Variants in GPHN observed in about 807,000 individuals in gnomAD.
The protein encoded by GPHN is gephyrin.
GPHN carries 17 observed loss-of-function variants against 95.5 expected under a neutral mutation model. The ratio of observed to expected loss-of-function variants is 0.18; its 90% CI spans 0.12 to 0.27. The LOEUF is 0.27. GPHN is among the 10% of genes least tolerant of loss of function. The pLI is 1.00. For synonymous variants in GPHN, 320 were observed against 322.5 expected, an observed-to-expected ratio of 0.99 and a Z score of 0.08; for missense variants, 660 against 978.1, an observed-to-expected ratio of 0.67 and a Z score of 4.34.
intron 4 of GPHN, among the ~76,000 whole-genome samples, chr14:66,853,448 A>G (rs1392941001): frequency 6.6e-6 from 1 of 152,222 alleles, no homozygotes; most frequent in Non-Finnish European, 1.5e-5. Flanking sequence ...TGGGTAACTT[A>G]TAAAGGAAAG....
intron 4 of GPHN, among the ~76,000 whole-genome samples, chr14:66,842,059 C>T (rs2062115950): frequency 6.7e-6 from 1 of 148,328 alleles, no homozygotes; most frequent in African/African-American, 2.5e-5. Flanking sequence ...TCCCCCCGCC[C>T]CCGCCCCAAC....
chr14:66,990,421 A>C (rs2153603451), intron 9 of GPHN, among the ~76,000 whole-genome samples: 1 of 152,172 alleles, frequency 6.6e-6, no homozygotes, highest in South Asian at 2.1e-4. Context: ...CAATTGTATA[A>C]TTTTCTGAGG....
chr14:67,732,873 GC>G, the GPHN span, among the ~76,000 whole-genome samples: 158 of 152,264 alleles, frequency 1.0e-3, 2 homozygotes, highest in African/African-American at 3.5e-3. Context: ...GAGCCACCGT[GC>G]CCAGCCGTGA....
chr14:67,043,877 TATTA>T (rs1283574497), intron 10 of GPHN, among the ~76,000 whole-genome samples: 2 of 152,216 alleles, frequency 1.3e-5, no homozygotes, highest in African/African-American at 2.4e-5. Flanking sequence ...GTTGGTAGGC[TATTA>T]ATTACTGCCT....
the GPHN span, among the ~76,000 whole-genome samples, chr14:67,606,311 A>T: frequency 1.3e-5 from 2 of 152,170 alleles, no homozygotes; most frequent in African/African-American, 4.8e-5. Context: ...AGAGCTTAAT[A>T]TTTTCAACTT....
chr14:67,110,082 A>G, intron 13 of GPHN, 58 bp from the exon 14 acceptor site: 1 of 1,514,144 alleles, frequency 6.6e-7, no homozygotes, highest in Non-Finnish European at 9.2e-7. Flanking sequence ...CATCCTCTGC[A>G]GACTTTTCCT....
the GPHN span, among the ~76,000 whole-genome samples, chr14:67,390,417 T>C: frequency 6.6e-6 from 1 of 151,986 alleles, no homozygotes; most frequent in East Asian, 1.9e-4. Context: ...CCTCTGAAAA[T>C]GATAAAGATG....
intron 1 of GPHN, among the ~76,000 whole-genome samples, chr14:66,631,578 A>G (rs1459397828): frequency 6.6e-6 from 1 of 152,198 alleles, no homozygotes; most frequent in Non-Finnish European, 1.5e-5. Flanking sequence ...AAATAATTGT[A>G]TCTCATAGAT....
At chr14:66,812,429 G>A (rs185232394) in intron 3 of GPHN, among the ~76,000 whole-genome samples, 56 of 152,258 alleles carry the variant, frequency 3.7e-4, no homozygotes, top group Non-Finnish European at 7.1e-4. Flanking sequence ...ACCCATTCTT[G>A]CGAGAAAAGA....
the GPHN span, among the ~76,000 whole-genome samples, chr14:67,685,396 T>C: frequency 1.3e-5 from 2 of 152,174 alleles, no homozygotes; most frequent in Admixed American, 1.3e-4. Flanking sequence ...GAGTAGACAG[T>C]GCTAAGGACC....
At chr14:67,505,886 G>A in the GPHN span, among the ~76,000 whole-genome samples, 3 of 152,086 alleles carry the variant, frequency 2.0e-5, no homozygotes, top group East Asian at 1.9e-4. Context: ...TTTTAGTAGC[G>A]ACAGGGTTTC....
the GPHN span, among the ~76,000 whole-genome samples, chr14:67,348,545 A>C: frequency 1.3e-5 from 2 of 151,202 alleles, no homozygotes; most frequent in African/African-American, 2.4e-5. Flanking sequence ...ATTTTTAGAC[A>C]GAGTCTTGCT....
chr14:67,614,077 G>C, the GPHN span, among the ~76,000 whole-genome samples: 1 of 152,004 alleles, frequency 6.6e-6, no homozygotes, highest in Non-Finnish European at 1.5e-5. Context: ...CTGGGTCTAC[G>C]GGTACACACC....
chr14:67,225,962 T>TGTGTGTGTGC, the GPHN span, among the ~76,000 whole-genome samples: 789 of 113,450 alleles, frequency 7.0e-3, 2 homozygotes, highest in Non-Finnish European at 8.6e-3. Context: ...TGTGTGTGTG[T>TGTGTGTGTGC]GCGCGCGCGC....
chr14:66,691,008 A>G (rs957621275), intron 2 of GPHN, among the ~76,000 whole-genome samples: 1 of 152,096 alleles, frequency 6.6e-6, no homozygotes, highest in Non-Finnish European at 1.5e-5. Flanking sequence ...GTGAAAACCC[A>G]AAGATTTTTA....
intron 1 of GPHN, among the ~76,000 whole-genome samples, chr14:66,602,766 G>C (rs1335936046): frequency 1.3e-5 from 2 of 151,822 alleles, no homozygotes; most frequent in Admixed American, 1.3e-4. Flanking sequence ...AATATGACTT[G>C]CAAGCTTGGA....
At chr14:67,586,917 C>T in the GPHN span, 1 of 1,538,816 alleles carries the variant, frequency 6.5e-7, no homozygotes, top group Non-Finnish European at 8.7e-7. Context: ...CTGAACAGCA[C>T]AGTTATGATT....
chr14:66,628,972 G>A (rs1028626511), intron 1 of GPHN, among the ~76,000 whole-genome samples: 1 of 150,010 alleles, frequency 6.7e-6, no homozygotes, highest in Non-Finnish European at 1.5e-5. Flanking sequence ...GGCTAAGGAG[G>A]AAAGATTGCT....
chr14:67,620,794 C>A, the GPHN span: 3 of 1,152,454 alleles, frequency 2.6e-6, no homozygotes, highest in South Asian at 1.3e-5. Context: ...CTGATGCTGT[C>A]ACAGGTTTTC....
Sources: gnomAD v4.1 joint callset for allele counts (sites outside exome capture counted in the v4.1 genomes callset) on GRCh38, gnomAD v4.1.1 for gene constraint, MANE v1.5 for transcripts, NCBI Gene and HGNC (gene_info 2026-07-23, HGNC 2026-07-21) for gene names.